Variants in FAM135B observed in about 807,000 individuals in gnomAD.
FAM135B encodes the protein family with sequence similarity 135 member B.
In FAM135B, 43 loss-of-function variants were observed where a neutral mutation model predicts 127.7. The observed-to-expected ratio is 0.34, with a 90% CI of 0.26 to 0.43. The LOEUF (loss-of-function observed/expected upper bound fraction) is 0.43. Among genes scored for constraint, FAM135B ranks in the 20% least tolerant of loss-of-function variants. The probability of loss-of-function intolerance (pLI) is 1.00; values close to 1 mark genes in which losing one functional copy is unlikely to be tolerated. For missense variants in FAM135B, 1,558 were observed against 1,725.6 expected (o/e 0.90, Z 1.72); for synonymous variants, 670 against 665.1 (o/e 1.01, Z -0.11).
At chr8:138,444,361 C>G (rs2131559723) in intron 1 of FAM135B, among the ~76,000 whole-genome samples, 1 of 152,282 alleles carries the variant, frequency 6.6e-6, no homozygotes, top group East Asian at 1.9e-4. Context: ...CTTCTCAGCA[C>G]CACACCACAC....
chr8:138,384,422 T>C (rs926013636), intron 1 of FAM135B, among the ~76,000 whole-genome samples: 2 of 152,110 alleles, frequency 1.3e-5, no homozygotes, highest in Admixed American at 6.6e-5. Context: ...GGGCCTATTA[T>C]GTGCCCGGCT....
intron 1 of FAM135B, among the ~76,000 whole-genome samples, chr8:138,484,288 A>C (rs561773867): frequency 6.6e-6 from 1 of 152,308 alleles, no homozygotes; most frequent in East Asian, 1.9e-4. Flanking sequence ...GCTAAAGGCA[A>C]GCAATCTTGA....
At chr8:138,194,099 G>T (rs943529766) in intron 9 of FAM135B, among the ~76,000 whole-genome samples, 3 of 152,186 alleles carry the variant, frequency 2.0e-5, no homozygotes, top group African/African-American at 7.2e-5. Flanking sequence ...CCTTTGACTC[G>T]TCTCAGTGGC....
At chr8:138,312,233 C>T (rs1434170196) in intron 2 of FAM135B, among the ~76,000 whole-genome samples, 1 of 152,168 alleles carries the variant, frequency 6.6e-6, no homozygotes, top group Non-Finnish European at 1.5e-5. Flanking sequence ...ACATAAGCCA[C>T]CATGCCCGGC....
intron 7 of FAM135B, among the ~76,000 whole-genome samples, chr8:138,224,446 A>AT (rs1391484130): frequency 3.3e-5 from 5 of 151,922 alleles, no homozygotes; most frequent in Non-Finnish European, 5.9e-5. Context: ...TTATTTATTT[A>AT]TTTTTTTTGA....
chr8:138,375,523 T>A (rs7842357), intron 1 of FAM135B, among the ~76,000 whole-genome samples: 2,247 of 152,202 alleles, frequency 0.015, 46 homozygotes, highest in African/African-American at 0.052. Context: ...AAACAACGAA[T>A]AAATCTTTAT....
intron 11 of FAM135B, among the ~76,000 whole-genome samples, chr8:138,171,885 A>G (rs1180123925): frequency 6.6e-6 from 1 of 152,030 alleles, no homozygotes; most frequent in Non-Finnish European, 1.5e-5. Context: ...TGTTTTCCTG[A>G]GTGTATGCAA....
intron 2 of FAM135B, among the ~76,000 whole-genome samples, chr8:138,351,785 G>A (rs1829802761): frequency 6.6e-6 from 1 of 150,626 alleles, no homozygotes; most frequent in Non-Finnish European, 1.5e-5. Flanking sequence ...TGCCTCCCAG[G>A]TTCAAGCAAT....
intron 1 of FAM135B, among the ~76,000 whole-genome samples, chr8:138,468,774 G>A (rs1285352373): frequency 6.6e-6 from 1 of 152,198 alleles, no homozygotes. Flanking sequence ...GCCGGATACG[G>A]TGGCTTATGC....
intron 13 of FAM135B, among the ~76,000 whole-genome samples, chr8:138,149,886 A>T (rs1429947443): frequency 1.3e-5 from 2 of 152,178 alleles, no homozygotes; most frequent in Non-Finnish European, 2.9e-5. Context: ...TGCAGGTACA[A>T]TAAAAGCAAG....
chr8:138,225,647 T>C (rs59599173), intron 7 of FAM135B, among the ~76,000 whole-genome samples: 7,346 of 152,114 alleles, frequency 0.048, 576 homozygotes, highest in African/African-American at 0.17. Flanking sequence ...TCCACATAGT[T>C]TAATAAGGCA....
chr8:138,238,925 G>A (rs1300591998), intron 7 of FAM135B, among the ~76,000 whole-genome samples: 1 of 152,202 alleles, frequency 6.6e-6, no homozygotes, highest in Non-Finnish European at 1.5e-5. Flanking sequence ...TAAACTCCAT[G>A]AGCAAGTTCA....
At chr8:138,350,487 G>T (rs1367149282) in intron 2 of FAM135B, among the ~76,000 whole-genome samples, 1 of 148,692 alleles carries the variant, frequency 6.7e-6, no homozygotes, top group Non-Finnish European at 1.5e-5. Context: ...ATTGTAAATA[G>T]GTTTTCTACA....
chr8:138,473,207 G>C (rs1814162911), intron 1 of FAM135B, among the ~76,000 whole-genome samples: 1 of 152,078 alleles, frequency 6.6e-6, no homozygotes, highest in South Asian at 2.1e-4. Context: ...CTCAAAGTGA[G>C]CACTAAGAAT....
intron 3 of FAM135B, among the ~76,000 whole-genome samples, chr8:138,273,921 T>A (rs112920711): frequency 1.5e-4 from 23 of 152,134 alleles, no homozygotes; most frequent in Non-Finnish European, 3.2e-4. Context: ...CTACGCCACC[T>A]ACAAGCTGAG....
intron 2 of FAM135B, among the ~76,000 whole-genome samples, chr8:138,357,447 T>C (rs1830162101): frequency 6.6e-6 from 1 of 152,118 alleles, no homozygotes; most frequent in Admixed American, 6.6e-5. Context: ...TACATTTTTG[T>C]GAAGGAAAAT....
intron 2 of FAM135B, among the ~76,000 whole-genome samples, chr8:138,361,785 C>T (rs1830437876): frequency 6.6e-6 from 1 of 152,114 alleles, no homozygotes; most frequent in South Asian, 2.1e-4. Context: ...ATCCAGGTCC[C>T]TTGTCGGGCT....
intron 7 of FAM135B, among the ~76,000 whole-genome samples, chr8:138,215,479 C>T (rs557357911): frequency 2.0e-5 from 3 of 152,090 alleles, no homozygotes; most frequent in Admixed American, 1.3e-4. Flanking sequence ...TATTACATAG[C>T]AAAGAGAACA....
At chr8:138,201,255 A>G (rs900991815) in intron 7 of FAM135B, among the ~76,000 whole-genome samples, 4 of 152,218 alleles carry the variant, frequency 2.6e-5, no homozygotes, top group Non-Finnish European at 5.9e-5. Context: ...TTCAGGACAC[A>G]TTAAAGGTAG....
Sources: allele counts gnomAD v4.1 joint callset (sites outside exome capture counted in the v4.1 genomes callset), GRCh38; gene constraint gnomAD v4.1.1; transcripts MANE v1.5; gene names NCBI Gene and HGNC (gene_info 2026-07-23, HGNC 2026-07-21).